Variants in WWOX observed in about 807,000 individuals in gnomAD.
The protein encoded by WWOX is WW domain-containing oxidoreductase.
In WWOX, 69 loss-of-function variants were observed where a neutral mutation model predicts 46.2. The observed-to-expected ratio is 1.49, with a 90% confidence interval of 1.23 to 1.82. WWOX has a LOEUF of 1.82. Ranked by LOEUF, WWOX falls within the 40% of genes most tolerant of loss-of-function variation. The pLI, the probability that WWOX is intolerant of heterozygous loss-of-function variation, is 0.00. For synonymous variants in WWOX, 359 were observed against 202.6 expected, an observed-to-expected ratio of 1.77 and a Z score of -6.56; for missense variants, 919 against 542.6, an observed-to-expected ratio of 1.69 and a Z score of -6.89.
At chr16:79,028,921 A>G (rs959236770) in intron 8 of WWOX, among the ~76,000 whole-genome samples, 1 of 151,756 alleles carries the variant, frequency 6.6e-6, no homozygotes, top group African/African-American at 2.4e-5. Context: ...TCATAAATTT[A>G]TAGCCGCTGA....
intron 8 of WWOX, among the ~76,000 whole-genome samples, chr16:79,010,549 G>A (rs2047283192): frequency 1.3e-5 from 2 of 152,136 alleles, no homozygotes; most frequent in South Asian, 4.1e-4. Flanking sequence ...GTGAGGTGTG[G>A]CAAAGAAACA....
intron 8 of WWOX, among the ~76,000 whole-genome samples, chr16:78,775,473 T>C (rs966794770): frequency 2.0e-5 from 3 of 152,258 alleles, no homozygotes; most frequent in Admixed American, 2.0e-4. Flanking sequence ...TCATTTCTCA[T>C]CTCTTGTTGA....
chr16:78,812,704 T>C (rs1471964477), intron 8 of WWOX, among the ~76,000 whole-genome samples: 1 of 151,706 alleles, frequency 6.6e-6, no homozygotes. Flanking sequence ...GCAGCCTGGG[T>C]GACAGAATGA....
At chr16:78,307,876 C>A (rs929364618) in intron 5 of WWOX, among the ~76,000 whole-genome samples, 1 of 152,022 alleles carries the variant, frequency 6.6e-6, no homozygotes, top group African/African-American at 2.4e-5. Flanking sequence ...AAAGACTGTA[C>A]CTTAAAAAAA....
intron 8 of WWOX, among the ~76,000 whole-genome samples, chr16:78,437,805 A>C (rs1055079900): frequency 2.0e-5 from 3 of 152,234 alleles, no homozygotes; most frequent in African/African-American, 7.2e-5. Context: ...TAATGAAGTC[A>C]CATCATACGT....
chr16:78,653,717 G>C (rs1339924325), intron 8 of WWOX, among the ~76,000 whole-genome samples: 1 of 152,198 alleles, frequency 6.6e-6, no homozygotes, highest in Non-Finnish European at 1.5e-5. Flanking sequence ...CACTGATTCA[G>C]CTGTCCTATG....
At chr16:79,141,185 A>G (rs1368175555) in intron 8 of WWOX, among the ~76,000 whole-genome samples, 1 of 152,214 alleles carries the variant, frequency 6.6e-6, no homozygotes. Context: ...ACTCAAAAGA[A>G]TGCAAACATT....
rs199543772 is a variant in WWOX, at chr16:79,073,999, AG to A, written c.1057-137607del. On this transcript the variant is annotated intron_variant, in intron 8 of 8. Transcript: ENST00000566780. ...CACAAAGTTATTTGCCAAAGGTCTG[AG>A]GAAAAAAAAAGCCTTTCACCATGGT... 9.5e-4 allele frequency among the ~76,000 whole-genome samples: 136 copies of A among 143,244 alleles called. 1 individual carries two copies. The highest frequency in any genetic ancestry group is 2.8e-3 in the African/African-American group (110 of 39,940). The allele number at this position is 143,244 out of a possible 152,430, so 94.0% of individuals were successfully genotyped here.
Position 78,601,925 on chromosome 16 carries a change from G to A in WWOX, c.1056+169173G>A, listed in dbSNP as rs1009258958. Among the ~76,000 whole-genome samples, 11 of 152,246 alleles carry A rather than the reference G, an allele frequency of 7.2e-5. No homozygotes were observed. In the South Asian group the frequency reaches 1.7e-3, roughly 23 times the overall value. On this transcript the variant is annotated intron_variant, in intron 8 of 8. Transcript: ENST00000566780. ...CTCATGATCCAATTGTTTTATTAGC[G>A]AAATCATCATCTGTTTCATTTTGCT...
intron 8 of WWOX, among the ~76,000 whole-genome samples, chr16:78,869,277 G>A (rs892539708): frequency 6.6e-6 from 1 of 152,112 alleles, no homozygotes; most frequent in Non-Finnish European, 1.5e-5. Context: ...AACACTTAGG[G>A]GTTAGAAGGG....
intron 5 of WWOX, among the ~76,000 whole-genome samples, chr16:78,176,516 C>A (rs540545117): frequency 6.6e-6 from 1 of 152,180 alleles, no homozygotes; most frequent in Non-Finnish European, 1.5e-5. Flanking sequence ...GACTACAATG[C>A]GTCCTGTAAA....
chr16:78,518,216 A>G (rs1205545529), intron 8 of WWOX, among the ~76,000 whole-genome samples: 20 of 151,878 alleles, frequency 1.3e-4, no homozygotes, highest in Admixed American at 1.3e-3. Context: ...TGTTATTATT[A>G]TTATTAATGT....
intron 7 of WWOX, among the ~76,000 whole-genome samples, chr16:78,425,603 A>T (rs745358848): frequency 1.3e-5 from 2 of 152,092 alleles, no homozygotes; most frequent in Non-Finnish European, 2.9e-5. Flanking sequence ...CTTTTTTCCT[A>T]TTGCCATTAG....
At chr16:78,600,663 G>A (rs933402414) in intron 8 of WWOX, among the ~76,000 whole-genome samples, 1 of 152,120 alleles carries the variant, frequency 6.6e-6, no homozygotes, top group Admixed American at 6.5e-5. Flanking sequence ...GATTCTTCAG[G>A]AAACCCTGGT....
chr16:78,825,871 C>A, intron 8 of WWOX: 1 of 662,048 alleles, frequency 1.5e-6, no homozygotes, highest in South Asian at 1.8e-5. Flanking sequence ...GTAAGACTGG[C>A]CCTAAGAAGC....
chr16:78,615,345 T>C (rs570029536), intron 8 of WWOX, among the ~76,000 whole-genome samples: 73 of 152,120 alleles, frequency 4.8e-4, no homozygotes, highest in African/African-American at 1.7e-3. Context: ...TGGTGTATAG[T>C]TGGCTAAAAA....
At chr16:78,737,235 A>C (rs1331435656) in intron 8 of WWOX, among the ~76,000 whole-genome samples, 2 of 151,800 alleles carry the variant, frequency 1.3e-5, no homozygotes, top group Non-Finnish European at 2.9e-5. Context: ...GAGTAGCTGG[A>C]ATTACAAGCG....
At chr16:78,821,704 G>T (rs1294696483) in intron 8 of WWOX, among the ~76,000 whole-genome samples, 2 of 152,120 alleles carry the variant, frequency 1.3e-5, no homozygotes, top group Non-Finnish European at 2.9e-5. Context: ...GAACTCAGTT[G>T]GTTGCTGAGC....
At chr16:78,947,451 A>G (rs748905824) in intron 8 of WWOX, among the ~76,000 whole-genome samples, 1 of 152,136 alleles carries the variant, frequency 6.6e-6, no homozygotes, top group African/African-American at 2.4e-5. Context: ...AGATGAAAGG[A>G]GTGAGGAAAC....
Sources: gnomAD v4.1 joint callset for allele counts (sites outside exome capture counted in the v4.1 genomes callset) on GRCh38, gnomAD v4.1.1 for gene constraint, MANE v1.5 for transcripts, NCBI Gene and HGNC (gene_info 2026-07-23, HGNC 2026-07-21) for gene names.